MALT1: variants seen among roughly 807,000 people sequenced by gnomAD.
MALT1 encodes MALT1 paracaspase.
A neutral mutation model predicts 85.5 loss-of-function variants in MALT1; 36 were observed. The observed-to-expected ratio is 0.42, with a 90% confidence interval of 0.32 to 0.56. The LOEUF (loss-of-function observed/expected upper bound fraction) is 0.56. MALT1 is among the 20% of genes least tolerant of loss of function. The pLI, the probability that MALT1 is intolerant of heterozygous loss-of-function variation, is 0.10. For synonymous variants in MALT1, 359 were observed against 361.3 expected, an observed-to-expected ratio of 0.99 and a Z score of 0.07; for missense variants, 716 against 981.6, an observed-to-expected ratio of 0.73 and a Z score of 3.62.
chr18:58,676,692 A>G (rs1430613493), intron 1 of MALT1, among the ~76,000 whole-genome samples: 3 of 152,252 alleles, frequency 2.0e-5, no homozygotes, highest in Admixed American at 2.0e-4. Flanking sequence ...AGTTGGATAC[A>G]TACACAAAAA....
At chr18:58,672,598 T>G (rs1222178282) in intron 1 of MALT1, 1 of 152,144 alleles carries the variant, frequency 6.6e-6, no homozygotes, top group Non-Finnish European at 1.5e-5. Context: ...TTACCACCTT[T>G]GAAATTAAAG....
chr18:58,734,234 T>A (rs2055193962), intron 11 of MALT1, 73 bp from the exon 12 acceptor site: 3 of 1,178,794 alleles, frequency 2.5e-6, no homozygotes, highest in Non-Finnish European at 3.7e-6. Context: ...ATTTTCTCAT[T>A]ATTTATACCC....
rs185829684 is a variant in MALT1 at position 58,751,093 on chromosome 18, T to C, written c.*3251T>C. ...TCCGCACTCCCAGTGTGATAGCCTT[T>C]AGCCTCATGGGGTTGTTGAGCAGTT... is the stretch of plus-strand genomic sequence containing the variant. On this transcript the variant is annotated 3_prime_UTR_variant, in exon 17 of 17. Coordinates refer to ENST00000649217, the MANE Select transcript of MALT1 (RefSeq NM_006785.4). 2.0e-5 allele frequency: 3 copies of C among 152,380 alleles called. No homozygotes were observed. Among genetic ancestry groups the C allele is most frequent in the African/African-American group, 7.2e-5 (3 of 41,586 alleles). The allele number at this position is 152,380 out of a possible 1,614,324, so 9.4% of individuals were successfully genotyped here.
chr18:58,707,815 T>C (rs2054775364), intron 4 of MALT1, among the ~76,000 whole-genome samples: 1 of 152,214 alleles, frequency 6.6e-6, no homozygotes, highest in Non-Finnish European at 1.5e-5. Flanking sequence ...GTTAGGTCTG[T>C]GCTTTAGATG....
intron 9 of MALT1, among the ~76,000 whole-genome samples, chr18:58,718,292 T>C (rs1482821870): frequency 6.6e-6 from 1 of 152,220 alleles, no homozygotes; most frequent in Non-Finnish European, 1.5e-5. Flanking sequence ...GGTCAACTTC[T>C]ATCATTGAAG....
Position 58,735,193 on chromosome 18 carries a change from A to AT in MALT1, c.1476-4dup. ...TGTGCCTGGCTTAACTTCTTTTTCTATTTTTAAGGTGTCAAGGAGCAGAAG... is the reference window on the plus strand; with the variant it reads ...TGTGCCTGGCTTAACTTCTTTTTCTATTTTTTAAGGTGTCAAGGAGCAGAAG... On this transcript the variant is annotated splice_polypyrimidine_tract_variant and intron_variant, in intron 12 of 16. Coordinates refer to ENST00000649217, the MANE Select transcript of MALT1 (RefSeq NM_006785.4). 1 of 1,600,314 alleles carries AT rather than the reference A, an allele frequency of 6.2e-7. No homozygotes were observed. The highest frequency in any genetic ancestry group is 8.5e-7 in the Non-Finnish European group (1 of 1,177,294).
intron 9 of MALT1, 56 bp from the exon 10 acceptor site, chr18:58,722,992 G>C: frequency 8.2e-7 from 1 of 1,226,312 alleles, no homozygotes. Flanking sequence ...ATCTCCATAG[G>C]TTTTGTTTTA....
At chr18:58,725,562 G>A (rs999287159) in intron 10 of MALT1, among the ~76,000 whole-genome samples, 8 of 152,102 alleles carry the variant, frequency 5.3e-5, no homozygotes, top group Non-Finnish European at 1.2e-4. Flanking sequence ...AGGTGCCTAC[G>A]TGACATAAAA....
chr18:58,707,898 C>T (rs748338118), intron 4 of MALT1, among the ~76,000 whole-genome samples: 1 of 152,110 alleles, frequency 6.6e-6, no homozygotes, highest in Non-Finnish European at 1.5e-5. Context: ...ATTGACATAT[C>T]GAGAAGACTA....
In MALT1 at chr18:58,732,752, A is replaced by C. The variant is rs2055168193; in HGVS notation, c.1223-645A>C. ...AGGAGACAAATGAGTCAGGAGAGAA[A>C]TCCTAGCTGCATTCTTTTTTATATA... On this transcript the variant is annotated intron_variant, in intron 10 of 16. Transcript: ENST00000649217. Among the ~76,000 whole-genome samples the C allele has an allele frequency of 5.7e-5, 7 of 122,300 alleles. No homozygotes were observed. In the South Asian group the frequency reaches 1.8e-3, roughly 32 times the overall value. 80.2% of individuals were successfully genotyped at this position (122,300 alleles called of 152,430 possible).
At chr18:58,727,201 C>G (rs192098548) in intron 10 of MALT1, among the ~76,000 whole-genome samples, 1 of 152,246 alleles carries the variant, frequency 6.6e-6, no homozygotes, top group African/African-American at 2.4e-5. Flanking sequence ...AGGTAGCATT[C>G]TATTTCAGGC....
At chr18:58,682,524 G>A (rs1568123461) in intron 2 of MALT1, among the ~76,000 whole-genome samples, 2 of 152,106 alleles carry the variant, frequency 1.3e-5, no homozygotes, top group African/African-American at 4.8e-5. Context: ...GGCTTTTTCT[G>A]GGCTCCTTCA....
chr18:58,719,345 CTCTG>C (rs1179869863), intron 9 of MALT1, among the ~76,000 whole-genome samples: 1 of 152,068 alleles, frequency 6.6e-6, no homozygotes, highest in African/African-American at 2.4e-5. Context: ...CTTCCTCTTA[CTCTG>C]TCTCTCTGTC....
intron 1 of MALT1, among the ~76,000 whole-genome samples, chr18:58,679,816 T>C (rs2054294173): frequency 6.6e-6 from 1 of 152,164 alleles, no homozygotes; most frequent in Non-Finnish European, 1.5e-5. Flanking sequence ...CCCACAGTGC[T>C]GGGATTACGG....
intron 13 of MALT1, 85 bp downstream of exon 13, chr18:58,735,414 G>A: frequency 7.1e-7 from 1 of 1,409,414 alleles, no homozygotes. Context: ...TCTGGTGATT[G>A]TTTTATTCTT....
At chr18:58,710,765 A>ATATATT (rs1182429516) in intron 6 of MALT1, among the ~76,000 whole-genome samples, 156 bp from the exon 7 acceptor site, 1 of 152,234 alleles carries the variant, frequency 6.6e-6, no homozygotes, top group Admixed American at 6.5e-5. Context: ...TTTCAGCTTA[A>ATATATT]TATATTTATA....
At chr18:58,716,845 A>G (rs1180167859) in intron 9 of MALT1, among the ~76,000 whole-genome samples, 1 of 151,966 alleles carries the variant, frequency 6.6e-6, no homozygotes, top group Non-Finnish European at 1.5e-5. Flanking sequence ...AGAGTGATCC[A>G]TCAAAGAGAG....
intron 4 of MALT1, among the ~76,000 whole-genome samples, chr18:58,701,888 C>G (rs1411840685): frequency 6.6e-6 from 1 of 152,140 alleles, no homozygotes; most frequent in East Asian, 1.9e-4. Flanking sequence ...CACTCAATAA[C>G]CAATAGCACT....
At chr18:58,706,454 C>G (rs528160084) in intron 4 of MALT1, among the ~76,000 whole-genome samples, 1 of 152,188 alleles carries the variant, frequency 6.6e-6, no homozygotes, top group African/African-American at 2.4e-5. Flanking sequence ...CGCGCCCAGC[C>G]CACGTGTGTA....
Sources: gnomAD v4.1 joint callset for allele counts (sites outside exome capture counted in the v4.1 genomes callset) on GRCh38, gnomAD v4.1.1 for gene constraint, MANE v1.5 for transcripts, NCBI Gene and HGNC (gene_info 2026-07-23, HGNC 2026-07-21) for gene names.